The following PHF20 variants were observed in gnomAD, a reference collection of about 807,000 sequenced individuals.
PHF20 encodes PHD finger protein 20, also known as glioma-expressed antigen 2.
PHF20 carries 23 observed loss-of-function variants against 113.5 expected under a neutral mutation model. That is an observed-to-expected ratio of 0.20 (90% CI 0.15 to 0.29). The LOEUF (loss-of-function observed/expected upper bound fraction) is 0.29. Ranked by LOEUF, PHF20 falls within the 10% of genes least tolerant of loss-of-function variation. The pLI, the probability that PHF20 is intolerant of heterozygous loss-of-function variation, is 1.00. For missense variants in PHF20, 943 were observed against 1,219.6 expected, an observed-to-expected ratio of 0.77 and a Z score of 3.38; for synonymous variants, 434 against 457.3, an observed-to-expected ratio of 0.95 and a Z score of 0.65.
At chr20:35,815,411 C>T (rs1025872926) in intron 2 of PHF20, among the ~76,000 whole-genome samples, 1 of 151,942 alleles carries the variant, frequency 6.6e-6, no homozygotes, top group African/African-American at 2.4e-5. Flanking sequence ...ATCCATGTCT[C>T]TACTTAAAAT....
At chr20:35,918,235 G>A (rs930308392) in intron 13 of PHF20, among the ~76,000 whole-genome samples, 1 of 152,064 alleles carries the variant, frequency 6.6e-6, no homozygotes, top group African/African-American at 2.4e-5. Flanking sequence ...TGCAGTTCTG[G>A]GAGAGGTGGC....
chr20:35,789,858 C>A (rs2041505915), intron 1 of PHF20, among the ~76,000 whole-genome samples: 1 of 123,722 alleles, frequency 8.1e-6, no homozygotes, highest in Non-Finnish European at 1.7e-5. Context: ...CGCCCCCCCC[C>A]CCCCCTTTTT....
At chr20:35,884,162 C>T (rs6119670) in intron 9 of PHF20, among the ~76,000 whole-genome samples, 93 of 152,196 alleles carry the variant, frequency 6.1e-4, no homozygotes, top group African/African-American at 2.1e-3. Context: ...AATGTATTAA[C>T]GTAAGTAAGC....
At chr20:35,923,245 A>T (rs1247610842) in intron 13 of PHF20, among the ~76,000 whole-genome samples, 1 of 152,220 alleles carries the variant, frequency 6.6e-6, no homozygotes, top group South Asian at 2.1e-4. Context: ...CTACAACAAC[A>T]AGTATTAATA....
At chr20:35,909,326 G>T (rs376213541) in intron 10 of PHF20, among the ~76,000 whole-genome samples, 1 of 151,792 alleles carries the variant, frequency 6.6e-6, no homozygotes, top group Non-Finnish European at 1.5e-5. Flanking sequence ...TGAGGGACAG[G>T]GGGTGTTATC....
At chr20:35,831,783 T>C (rs112495551) in intron 2 of PHF20, among the ~76,000 whole-genome samples, 7,722 of 152,268 alleles carry the variant, frequency 0.051, 245 homozygotes, top group African/African-American at 0.099. Context: ...TATATGGTGG[T>C]CATCTGGTAT....
At chr20:35,890,189 A>C (rs1317941407) in intron 9 of PHF20, among the ~76,000 whole-genome samples, 1 of 149,712 alleles carries the variant, frequency 6.7e-6, no homozygotes, top group Non-Finnish European at 1.5e-5. Context: ...CACCACACCC[A>C]TCTACTTTTT....
rs60964074 is a variant in PHF20, at chr20:35,897,650, T to C, written c.1283-1720T>C. ...GGTGCGATCTCGGCTCACTGCAAAC[T>C]CCGCCTCCTGGGTTCAAGCCATTCT... On this transcript the variant is annotated intron_variant, in intron 9 of 17. Transcript: ENST00000374012. Among the ~76,000 whole-genome samples, 465 of 137,046 alleles carry C rather than the reference T, an allele frequency of 3.4e-3. 3 individuals carry two copies. The East Asian group carries it at 0.048, about 14-fold the overall frequency. The allele number at this position is 137,046 out of a possible 152,430, so 89.9% of individuals were successfully genotyped here. A position where few individuals can be genotyped will look rare whatever the true frequency, so the allele number is the denominator to read the frequency against.
intron 9 of PHF20, among the ~76,000 whole-genome samples, chr20:35,876,546 G>T (rs924877320): frequency 6.6e-6 from 1 of 152,096 alleles, no homozygotes; most frequent in Non-Finnish European, 1.5e-5. Context: ...ACCCAGCTTA[G>T]GTGACAGAGC....
chr20:35,814,509 G>A (rs1353698347), intron 2 of PHF20, among the ~76,000 whole-genome samples: 1 of 151,160 alleles, frequency 6.6e-6, no homozygotes. Flanking sequence ...GAACCGCTGC[G>A]CCCGGCCTAT....
At chr20:35,944,258 A>G (rs1174150654) in intron 17 of PHF20, among the ~76,000 whole-genome samples, 1 of 152,160 alleles carries the variant, frequency 6.6e-6, no homozygotes, top group Admixed American at 6.5e-5. Context: ...TCTTCAGCCT[A>G]ACAGACCTAG....
At chr20:35,943,779 C>G (rs1286400446) in intron 17 of PHF20, among the ~76,000 whole-genome samples, 1 of 150,234 alleles carries the variant, frequency 6.7e-6, no homozygotes, top group Admixed American at 6.6e-5. Context: ...CACCGCCATG[C>G]CTGGCTAATT....
chr20:35,844,027 T>C (rs560488448), intron 3 of PHF20, among the ~76,000 whole-genome samples: 1 of 152,242 alleles, frequency 6.6e-6, no homozygotes, highest in African/African-American at 2.4e-5. Flanking sequence ...TTTTAAGCAG[T>C]GAAAGCACAG....
At chr20:35,866,697 TCTCCTTTAGGTATTCATGCC>T (rs2054325653) in intron 6 of PHF20, among the ~76,000 whole-genome samples, 1 of 152,110 alleles carries the variant, frequency 6.6e-6, no homozygotes, top group Non-Finnish European at 1.5e-5. Context: ...TGAAACTAAT[TCTCCTTTAGGTATTCATGCC>T]CTGGCTTATA....
chr20:35,831,323 C>T (rs2042354675), intron 2 of PHF20, among the ~76,000 whole-genome samples: 1 of 152,122 alleles, frequency 6.6e-6, no homozygotes, highest in Admixed American at 6.6e-5. Context: ...CCACATCTGG[C>T]TAATTAAAAA....
chr20:35,945,735 A>C (rs1188838885), intron 17 of PHF20, among the ~76,000 whole-genome samples: 1 of 152,136 alleles, frequency 6.6e-6, no homozygotes, highest in Non-Finnish European at 1.5e-5. Context: ...TCTCTCCCCA[A>C]ATGCCAGAGC....
intron 15 of PHF20, among the ~76,000 whole-genome samples, chr20:35,932,467 G>A (rs2147116414): frequency 8.3e-6 from 1 of 120,670 alleles, no homozygotes; most frequent in South Asian, 2.6e-4. Context: ...GTCTCGCTCT[G>A]TCGCCCAGGC....
intron 17 of PHF20, among the ~76,000 whole-genome samples, chr20:35,943,692 C>G (rs980823599): frequency 6.6e-6 from 1 of 152,098 alleles, no homozygotes; most frequent in African/African-American, 2.4e-5. Context: ...ACGATCTCGG[C>G]TCACCACAAC....
intron 2 of PHF20, among the ~76,000 whole-genome samples, chr20:35,823,449 A>C (rs1568613319): frequency 2.7e-5 from 4 of 150,688 alleles, no homozygotes; most frequent in South Asian, 2.1e-4. Flanking sequence ...AAAAAAAAAA[A>C]AAAAACCATA....
Sources: gnomAD v4.1 joint callset for allele counts (sites outside exome capture counted in the v4.1 genomes callset) on GRCh38, gnomAD v4.1.1 for gene constraint, MANE v1.5 for transcripts, NCBI Gene and HGNC (gene_info 2026-07-23, HGNC 2026-07-21) for gene names.